PPP1CC: variants seen among roughly 807,000 people sequenced by gnomAD.
PPP1CC encodes the protein serine/threonine-protein phosphatase PP1-gamma catalytic subunit.
PPP1CC carries 16 observed loss-of-function variants against 38.4 expected under a neutral mutation model. The ratio of observed to expected loss-of-function variants is 0.42; its 90% CI spans 0.28 to 0.63. The LOEUF (loss-of-function observed/expected upper bound fraction) is 0.63. Among genes scored for constraint, PPP1CC ranks in the 30% least tolerant of loss-of-function variants. PPP1CC has a pLI of 0.25. For synonymous variants in PPP1CC, 158 were observed against 136.0 expected, an observed-to-expected ratio of 1.16 and a Z score of -1.13; for missense variants, 170 against 391.3, an observed-to-expected ratio of 0.43 and a Z score of 4.77.
downstream of PPP1CC, among the ~76,000 whole-genome samples, chr12:110,714,697 T>C (rs1234686042): frequency 6.7e-6 from 1 of 148,850 alleles, no homozygotes; most frequent in Admixed American, 6.8e-5. Context: ...TCCCAGCTAC[T>C]TGGGAGGCTG....
chr12:110,740,341 C>T (rs2070002920), intron 1 of PPP1CC, among the ~76,000 whole-genome samples: 1 of 152,074 alleles, frequency 6.6e-6, no homozygotes, highest in African/African-American at 2.4e-5. Context: ...ACCCCAGCAC[C>T]TGGGGAGGAC....
intron 3 of PPP1CC, among the ~76,000 whole-genome samples, chr12:110,728,421 A>C (rs1164814764): frequency 6.6e-6 from 1 of 151,634 alleles, no homozygotes. Flanking sequence ...AAAACAAAAA[A>C]CAAAAAACTC....
the PPP1CC span, among the ~76,000 whole-genome samples, chr12:110,712,476 C>A: frequency 2.7e-5 from 4 of 150,768 alleles, no homozygotes; most frequent in Non-Finnish European, 5.9e-5. Context: ...CCCGTCTCAA[C>A]TAAAAATACA....
At chr12:110,717,772 T>G (rs2069699181), downstream of PPP1CC, among the ~76,000 whole-genome samples, 1 of 152,216 alleles carries the variant, frequency 6.6e-6, no homozygotes, top group Non-Finnish European at 1.5e-5. Flanking sequence ...TTCTTTGTTC[T>G]GATGCAGATC....
At chr12:110,723,638 T>C (rs959519207) in intron 4 of PPP1CC, among the ~76,000 whole-genome samples, 1 of 152,158 alleles carries the variant, frequency 6.6e-6, no homozygotes, top group East Asian at 1.9e-4. Context: ...GCCTCCCAAA[T>C]AGCTACGGCT....
At chr12:110,721,318 G>T in intron 6 of PPP1CC, 153 bp from the exon 7 acceptor site, 1 of 580,444 alleles carries the variant, frequency 1.7e-6, no homozygotes, top group Non-Finnish European at 3.1e-6. Context: ...AAGCTATGTT[G>T]AATGTAAACA....
chr12:110,730,404 G>C, intron 3 of PPP1CC, 125 bp downstream of exon 3: 3 of 796,002 alleles, frequency 3.8e-6, no homozygotes, highest in Non-Finnish European at 5.8e-6. Context: ...TGATGAAATA[G>C]AAAACATGAG....
intron 2 of PPP1CC, among the ~76,000 whole-genome samples, chr12:110,731,157 TG>T (rs1488668434): frequency 6.6e-6 from 1 of 152,006 alleles, no homozygotes; most frequent in Admixed American, 6.6e-5. Flanking sequence ...TAGTGAGTCT[TG>T]GCCCCATCTG....
In PPP1CC at chr12:110,722,673, A is replaced by G. The variant is rs938948184; in HGVS notation, c.546T>C (p.Ser182=). 1 of 1,613,454 alleles carries G rather than the reference A, an allele frequency of 6.2e-7. No individual in the cohort carries two copies. Among genetic ancestry groups the G allele is most frequent in the Non-Finnish European group, 8.5e-7 (1 of 1,179,792 alleles). ...GCATAATTCGCCGAATCTGCTCCATAGATTGAAGATCTGGTGATAAACCTA... is the reference window on the plus strand; with the variant it reads ...GCATAATTCGCCGAATCTGCTCCATGGATTGAAGATCTGGTGATAAACCTA... The part of the protein sequence containing the change: ...CHGGLSPDLQ[S]MEQIRRIMRP... Residue 182 remains serine (S), a synonymous_variant, in exon 5 of 7, where the codon TCT becomes TCC. Transcript: ENST00000335007. This position sits in a 1 kb window ranked among gnomAD's most constrained non-coding sequence, Gnocchi z 5.4.
At chr12:110,716,690 A>C (rs1160733631), downstream of PPP1CC, among the ~76,000 whole-genome samples, 2 of 152,218 alleles carry the variant, frequency 1.3e-5, no homozygotes, top group Non-Finnish European at 2.9e-5. Flanking sequence ...TGTTTACATG[A>C]TTAACTGAAG....
intron 1 of PPP1CC, among the ~76,000 whole-genome samples, chr12:110,739,660 C>A (rs993776962): frequency 2.0e-5 from 3 of 152,176 alleles, no homozygotes; most frequent in African/African-American, 7.2e-5. Flanking sequence ...TTCTGCAGAG[C>A]CTGACATGGT....
intron 1 of PPP1CC, among the ~76,000 whole-genome samples, chr12:110,735,863 G>A (rs1341840377): frequency 6.6e-6 from 1 of 151,926 alleles, no homozygotes; most frequent in Non-Finnish European, 1.5e-5. Context: ...TAAGGAGTTC[G>A]AGACCAGCCT....
chr12:110,731,727 A>T, intron 2 of PPP1CC, 43 bp downstream of exon 2: 1 of 1,580,538 alleles, frequency 6.3e-7, no homozygotes, highest in Non-Finnish European at 8.7e-7. Flanking sequence ...GACTCAGTTA[A>T]TCAATCATGT....
In PPP1CC at chr12:110,724,556, T is replaced by C. The variant is rs1041713489; in HGVS notation, c.523+104A>G. 16 of 691,362 alleles carry C rather than the reference T, an allele frequency of 2.3e-5. No homozygotes were observed. The Admixed American group carries it at 2.5e-4, about 11-fold the overall frequency. The allele number at this position is 691,362 out of a possible 1,614,324, so 42.8% of individuals were successfully genotyped here. A position where few individuals can be genotyped will look rare whatever the true frequency, so the allele number is the denominator to read the frequency against. The stretch of plus-strand genomic sequence containing the variant: ...AATGCAACACATCAACAAAGGAGAG[T>C]GTTCTGTCAGAGAAAGTCATCCCAA... On this transcript the variant is annotated intron_variant, in intron 4 of 6. Coordinates refer to ENST00000335007, the MANE Select transcript of PPP1CC (RefSeq NM_002710.4).
chr12:110,740,258 A>AG (rs1307671856), intron 1 of PPP1CC, among the ~76,000 whole-genome samples: 1 of 152,060 alleles, frequency 6.6e-6, no homozygotes, highest in Non-Finnish European at 1.5e-5. Flanking sequence ...CATCTTATTT[A>AG]GGGAAAAAAA....
chr12:110,711,046 T>C, the PPP1CC span, among the ~76,000 whole-genome samples: 1 of 150,678 alleles, frequency 6.6e-6, no homozygotes, highest in East Asian at 2.0e-4. Flanking sequence ...CATGGTGGCA[T>C]GTGCCTGTAA....
Position 110,720,145 on chromosome 12 carries a change from G to C in PPP1CC, c.*931C>G. On this transcript the variant is annotated 3_prime_UTR_variant, in exon 7 of 7. Transcript: ENST00000335007. ...GAAAGCATAATCGGTCACTCGTATAGAACAGTATTGTTTCTATAATTTGAA... is the reference window on the plus strand; with the variant it reads ...GAAAGCATAATCGGTCACTCGTATACAACAGTATTGTTTCTATAATTTGAA... The C allele has an allele frequency of 2.6e-6, 4 of 1,553,262 alleles. No homozygotes were observed. The highest frequency in any genetic ancestry group is 3.5e-6 in the Non-Finnish European group (4 of 1,155,176).
the PPP1CC span, among the ~76,000 whole-genome samples, chr12:110,714,496 C>G: frequency 6.6e-6 from 1 of 151,926 alleles, no homozygotes; most frequent in Non-Finnish European, 1.5e-5. Flanking sequence ...AGGGCAAGCA[C>G]TAGAGAAGAT....
chr12:110,710,954 T>A, the PPP1CC span, among the ~76,000 whole-genome samples: 1 of 151,938 alleles, frequency 6.6e-6, no homozygotes, highest in South Asian at 2.1e-4. Context: ...GGCAGGTGGA[T>A]CACTTGAAGC....
Sources: allele counts gnomAD v4.1 joint callset (sites outside exome capture counted in the v4.1 genomes callset), GRCh38; gene constraint gnomAD v4.1.1; non-coding constraint Gnocchi (gnomAD v3.1); transcripts MANE v1.5; gene names NCBI Gene and HGNC (gene_info 2026-07-23, HGNC 2026-07-21).